The following NKAIN2 variants were observed in gnomAD, a reference collection of about 807,000 sequenced individuals.
The protein encoded by NKAIN2 is sodium/potassium-transporting ATPase subunit beta-1-interacting protein 2.
In NKAIN2, 14 loss-of-function variants were observed where a neutral mutation model predicts 32.6. The ratio of observed to expected loss-of-function variants is 0.43; its 90% CI spans 0.28 to 0.67. NKAIN2 has a LOEUF of 0.67. Ranked by LOEUF, NKAIN2 falls within the 30% of genes least tolerant of loss-of-function variation. NKAIN2 has a pLI of 0.17. For missense variants in NKAIN2, 198 were observed against 258.3 expected (o/e 0.77, Z 1.60); for synonymous variants, 80 against 87.2 (o/e 0.92, Z 0.46).
At chr6:124,616,462 T>C (rs1583526312) in intron 3 of NKAIN2, among the ~76,000 whole-genome samples, 4 of 16,788 alleles carry the variant, frequency 2.4e-4, no homozygotes, top group Non-Finnish European at 4.5e-4. Context: ...TTTTTTTTTT[T>C]TTTTTTTTTT....
intron 4 of NKAIN2, among the ~76,000 whole-genome samples, chr6:124,688,955 G>A (rs1774129942): frequency 6.6e-6 from 1 of 152,226 alleles, no homozygotes; most frequent in Non-Finnish European, 1.5e-5. Flanking sequence ...ACAGATTGTG[G>A]TGTGGATTTA....
At chr6:124,317,466 A>G (rs1325065663) in intron 2 of NKAIN2, among the ~76,000 whole-genome samples, 5 of 152,096 alleles carry the variant, frequency 3.3e-5, no homozygotes, top group Non-Finnish European at 5.9e-5. Context: ...TCCTTAGAGT[A>G]TATTAAAGAC....
At chr6:124,139,427 G>A (rs995903437) in intron 1 of NKAIN2, among the ~76,000 whole-genome samples, 7 of 152,168 alleles carry the variant, frequency 4.6e-5, no homozygotes, top group Admixed American at 2.0e-4. Flanking sequence ...AAATAAAATT[G>A]GATCCTCTGC....
At chr6:124,468,333 A>C (rs1776842722) in intron 3 of NKAIN2, among the ~76,000 whole-genome samples, 1 of 152,096 alleles carries the variant, frequency 6.6e-6, no homozygotes, top group Admixed American at 6.6e-5. Flanking sequence ...GAATAGCAAA[A>C]TCCTGAAATC....
intron 4 of NKAIN2, among the ~76,000 whole-genome samples, chr6:124,736,012 C>T (rs954863718): frequency 6.6e-6 from 1 of 151,886 alleles, no homozygotes; most frequent in African/African-American, 2.4e-5. Context: ...AGGAAGAAGG[C>T]ATGCCAAAAG....
At chr6:124,821,915 C>T (rs1185814991) in intron 6 of NKAIN2, among the ~76,000 whole-genome samples, 1 of 152,208 alleles carries the variant, frequency 6.6e-6, no homozygotes, top group African/African-American at 2.4e-5. Context: ...CAACTTGTTA[C>T]TGGTGCAGCC....
intron 2 of NKAIN2, among the ~76,000 whole-genome samples, chr6:124,287,659 A>G (rs915568088): frequency 1.3e-5 from 2 of 152,192 alleles, no homozygotes; most frequent in Admixed American, 6.5e-5. Context: ...CCAGAAAATA[A>G]TTCATAAATA....
At chr6:124,489,977 A>G (rs1398131984) in intron 3 of NKAIN2, among the ~76,000 whole-genome samples, 1 of 151,878 alleles carries the variant, frequency 6.6e-6, no homozygotes, top group Non-Finnish European at 1.5e-5. Context: ...ACTGAAATGG[A>G]CAATATCAAT....
chr6:124,751,661 G>A (rs1433582517), intron 4 of NKAIN2, among the ~76,000 whole-genome samples: 2 of 151,770 alleles, frequency 1.3e-5, no homozygotes, highest in East Asian at 3.9e-4. Context: ...AAATCCTTAT[G>A]TATTAAGGAA....
chr6:124,611,436 G>C (rs1229414292), intron 3 of NKAIN2, among the ~76,000 whole-genome samples: 1 of 152,150 alleles, frequency 6.6e-6, no homozygotes, highest in African/African-American at 2.4e-5. Context: ...AGGTATACAT[G>C]TGCCATGGTG....
At chr6:123,931,491 A>C (rs1730900775) in intron 1 of NKAIN2, among the ~76,000 whole-genome samples, 1 of 152,148 alleles carries the variant, frequency 6.6e-6, no homozygotes, top group Non-Finnish European at 1.5e-5. Flanking sequence ...TGGAACTGTA[A>C]GTATATCCCC....
chr6:124,778,422 A>G (rs1364989349), intron 4 of NKAIN2, among the ~76,000 whole-genome samples: 3 of 151,392 alleles, frequency 2.0e-5, no homozygotes, highest in Non-Finnish European at 4.4e-5. Flanking sequence ...TTGACAAATT[A>G]TCAAATTATT....
intron 1 of NKAIN2, among the ~76,000 whole-genome samples, chr6:124,155,328 A>G (rs1416694818): frequency 2.0e-5 from 3 of 152,130 alleles, no homozygotes; most frequent in African/African-American, 7.2e-5. Context: ...TTCCCAACAC[A>G]AAGAAATGAT....
intron 3 of NKAIN2, among the ~76,000 whole-genome samples, chr6:124,357,003 C>T (rs1024806509): frequency 6.6e-6 from 1 of 152,116 alleles, no homozygotes; most frequent in African/African-American, 2.4e-5. Flanking sequence ...GTGCTCACTG[C>T]TCCCCATGAT....
At chr6:124,229,606 A>G (rs994419648) in intron 1 of NKAIN2, among the ~76,000 whole-genome samples, 4 of 152,090 alleles carry the variant, frequency 2.6e-5, no homozygotes, top group African/African-American at 9.7e-5. Context: ...TTTGAATTCT[A>G]CTTCCTTAAT....
chr6:124,561,171 G>A (rs1780678345), intron 3 of NKAIN2, among the ~76,000 whole-genome samples: 1 of 152,210 alleles, frequency 6.6e-6, no homozygotes, highest in Non-Finnish European at 1.5e-5. Context: ...TGATGCCACT[G>A]TAGGAGACCT....
intron 1 of NKAIN2, among the ~76,000 whole-genome samples, chr6:123,915,582 T>C (rs1239670681): frequency 6.6e-6 from 1 of 152,216 alleles, no homozygotes; most frequent in Non-Finnish European, 1.5e-5. Context: ...TATGGTGTGT[T>C]GCTCAGGCGC....
chr6:124,154,427 T>C (rs1430260679), intron 1 of NKAIN2, among the ~76,000 whole-genome samples: 1 of 151,912 alleles, frequency 6.6e-6, no homozygotes, highest in African/African-American at 2.4e-5. Flanking sequence ...ATTTCAGATA[T>C]TCACATACTT....
At chr6:124,495,143 T>C (rs892146887) in intron 3 of NKAIN2, among the ~76,000 whole-genome samples, 5 of 152,268 alleles carry the variant, frequency 3.3e-5, no homozygotes, top group African/African-American at 1.2e-4. Context: ...TCAGTAATTC[T>C]GTATCCACAT....
Sources: allele counts gnomAD v4.1 joint callset (sites outside exome capture counted in the v4.1 genomes callset), GRCh38; gene constraint gnomAD v4.1.1; transcripts MANE v1.5; gene names NCBI Gene and HGNC (gene_info 2026-07-23, HGNC 2026-07-21).